Variants in PRH1 observed in about 807,000 individuals in gnomAD.
PRH1 encodes salivary acidic proline-rich phosphoprotein 1/2.
A neutral mutation model predicts 7.9 loss-of-function variants in PRH1; 7 were observed. The ratio of observed to expected loss-of-function variants is 0.89; its 90% CI spans 0.50 to 1.67. PRH1 has a LOEUF of 1.67. Ranked by LOEUF, PRH1 falls within the 40% of genes most tolerant of loss-of-function variation. PRH1 has a pLI of 0.00. For missense variants in PRH1, 109 were observed against 223.6 expected, an observed-to-expected ratio of 0.49 and a Z score of 3.27; for synonymous variants, 45 against 80.8, an observed-to-expected ratio of 0.56 and a Z score of 2.38.
upstream of PRH1, chr12:11,049,062 T>C (rs187705440): frequency 9.6e-5 from 32 of 333,800 alleles, no homozygotes; most frequent in Middle Eastern, 2.8e-3. Context: ...TGCATACCAA[T>C]GTAATAATAT....
At chr12:10,985,234 T>G (rs1429404797) in intron 1 of PRH1, among the ~76,000 whole-genome samples, 1 of 152,094 alleles carries the variant, frequency 6.6e-6, no homozygotes, top group African/African-American at 2.4e-5. Flanking sequence ...TAGAAATGAC[T>G]TTTTTCTCAA....
chr12:10,954,959 T>C (rs373027597), intron 2 of PRH1, among the ~76,000 whole-genome samples: 5 of 152,066 alleles, frequency 3.3e-5, no homozygotes, highest in African/African-American at 1.2e-4. Flanking sequence ...TATTAAAAGA[T>C]TTAGAAAATC....
intron 2 of PRH1, among the ~76,000 whole-genome samples, chr12:10,925,263 G>A (rs757057904): frequency 7.9e-5 from 12 of 152,014 alleles, no homozygotes; most frequent in African/African-American, 1.2e-4. Context: ...TCAATGACCC[G>A]GACCTGTTTT....
At chr12:10,882,097 T>C (rs996617694) in intron 3 of PRH1, 120 bp downstream of exon 3, 1 of 1,525,702 alleles carries the variant, frequency 6.6e-7, no homozygotes, top group Non-Finnish European at 8.8e-7. Context: ...AATAACAATT[T>C]TTAGAAATGT....
At chr12:11,076,206 T>A (rs78133556) in intron 1 of PRH1, among the ~76,000 whole-genome samples, 2,444 of 19,364 alleles carry the variant, frequency 0.13, 1,037 homozygotes, top group Non-Finnish European at 0.39. Flanking sequence ...GCTGTACATT[T>A]CCTTCTTATA....
chr12:10,970,324 A>G (rs1186738345), intron 2 of PRH1, among the ~76,000 whole-genome samples: 2 of 152,158 alleles, frequency 1.3e-5, no homozygotes, highest in African/African-American at 4.8e-5. Flanking sequence ...TATTTTATTT[A>G]AGGATAAATT....
intron 1 of PRH1, among the ~76,000 whole-genome samples, chr12:11,080,469 A>T (rs73062967): frequency 3.0e-3 from 242 of 79,874 alleles, no homozygotes; most frequent in Admixed American, 4.0e-3. Context: ...TACAATTCTT[A>T]TGCATATATA....
At chr12:11,100,388 T>C (rs1945199509) in intron 1 of PRH1, among the ~76,000 whole-genome samples, 1 of 152,154 alleles carries the variant, frequency 6.6e-6, no homozygotes, top group Admixed American at 6.5e-5. Context: ...AAACTGGAAA[T>C]TGATTTGATG....
chr12:11,008,019 C>T (rs1301204306), intron 1 of PRH1, among the ~76,000 whole-genome samples: 1 of 151,860 alleles, frequency 6.6e-6, no homozygotes, highest in Non-Finnish European at 1.5e-5. Flanking sequence ...ATATGTCTAC[C>T]CTTGTTGTGT....
At chr12:11,043,073 A>T (rs1475252912) in intron 1 of PRH1, among the ~76,000 whole-genome samples, 3 of 152,238 alleles carry the variant, frequency 2.0e-5, no homozygotes, top group Non-Finnish European at 4.4e-5. Flanking sequence ...TAAATAATAC[A>T]TTAAAAAGAT....
Position 11,081,289 on chromosome 12 carries a change from A to T in PRH1, n.124-34101T>A, listed in dbSNP as rs1286842526. 2.5e-5 allele frequency among the ~76,000 whole-genome samples: 3 copies of T among 119,408 alleles called. 1 individual carries two copies. The highest frequency in any genetic ancestry group is 8.4e-5 in the African/African-American group (3 of 35,718). 78.3% of individuals were successfully genotyped at this position (119,408 alleles called of 152,430 possible). A position where few individuals can be genotyped will look rare whatever the true frequency, so the allele number is the denominator to read the frequency against. On this transcript the variant is annotated intron_variant and non_coding_transcript_variant, in intron 1 of 4. Transcript: ENST00000541977. ...TGTCTATTGGATTCTCAATATTGAT[A>T]ATTCATTTTTTTCAGTCTTATTCTT...
At chr12:11,116,689 A>G (rs1187157389), downstream of PRH1, among the ~76,000 whole-genome samples, 1 of 152,096 alleles carries the variant, frequency 6.6e-6, no homozygotes, top group African/African-American at 2.4e-5. Flanking sequence ...ATACTAGTGA[A>G]CCAAATTAAA....
At chr12:10,994,411 T>C (rs1940105088) in intron 1 of PRH1, among the ~76,000 whole-genome samples, 1 of 152,208 alleles carries the variant, frequency 6.6e-6, no homozygotes, top group Non-Finnish European at 1.5e-5. Flanking sequence ...GGCTGTGTTG[T>C]CCTCTCGCAG....
chr12:10,906,047 T>C (rs1369550257), intron 2 of PRH1, among the ~76,000 whole-genome samples: 6 of 152,192 alleles, frequency 3.9e-5, no homozygotes, highest in Non-Finnish European at 4.4e-5. Flanking sequence ...ATGATAAAAA[T>C]GATCATACTA....
chr12:10,972,394 C>A (rs540051622), intron 2 of PRH1, among the ~76,000 whole-genome samples: 1 of 152,268 alleles, frequency 6.6e-6, no homozygotes, highest in African/African-American at 2.4e-5. Context: ...AGTAAAGCAC[C>A]AGCACATGCT....
At chr12:11,053,633 T>C (rs1943243658) in intron 1 of PRH1, among the ~76,000 whole-genome samples, 1 of 152,274 alleles carries the variant, frequency 6.6e-6, no homozygotes, top group African/African-American at 2.4e-5. Context: ...CCAAATTATG[T>C]ATGTAAATAT....
At chr12:11,161,176 CTA>C (rs10550110) in intron 1 of PRH1, among the ~76,000 whole-genome samples, 69,017 of 151,838 alleles carry the variant, frequency 0.45, 16,455 homozygotes, top group Non-Finnish European at 0.52. Flanking sequence ...ATCTTGGAAG[CTA>C]TGTGTTAAAG....
chr12:10,936,155 A>G (rs182604076), intron 2 of PRH1, among the ~76,000 whole-genome samples: 2 of 147,450 alleles, frequency 1.4e-5, no homozygotes, highest in Admixed American at 6.9e-5. Context: ...GCCCCCACAC[A>G]CATACACACA....
intron 1 of PRH1, among the ~76,000 whole-genome samples, chr12:11,007,138 T>C (rs910833829): frequency 3.9e-5 from 6 of 152,086 alleles, no homozygotes; most frequent in African/African-American, 1.2e-4. Context: ...TAAATATGGA[T>C]TTATTTTTTA....
Sources: gnomAD v4.1 joint callset for allele counts (sites outside exome capture counted in the v4.1 genomes callset) on GRCh38, gnomAD v4.1.1 for gene constraint, MANE v1.5 for transcripts, NCBI Gene and HGNC (gene_info 2026-07-23, HGNC 2026-07-21) for gene names.